SLC44A1: variants seen among roughly 807,000 people sequenced by gnomAD.
The protein encoded by SLC44A1 is solute carrier family 44 member 1, also known as choline transporter-like protein 1.
A neutral mutation model predicts 79.3 loss-of-function variants in SLC44A1; 26 were observed. That is an observed-to-expected ratio of 0.33 (90% CI 0.24 to 0.46). The LOEUF is 0.46. SLC44A1 is among the 20% of genes least tolerant of loss of function. SLC44A1 has a pLI of 1.00. For synonymous variants in SLC44A1, 263 were observed against 286.2 expected (o/e 0.92, Z 0.82); for missense variants, 688 against 798.1 (o/e 0.86, Z 1.66).
At chr9:105,378,030 T>G (rs1295530078) in intron 13 of SLC44A1, among the ~76,000 whole-genome samples, 1 of 151,920 alleles carries the variant, frequency 6.6e-6, no homozygotes, top group South Asian at 2.1e-4. Context: ...GGTGGATCAC[T>G]TGAGGTCAGG....
At chr9:105,424,407 G>A (rs1829293431) in intron 15 of SLC44A1, among the ~76,000 whole-genome samples, 1 of 152,208 alleles carries the variant, frequency 6.6e-6, no homozygotes, top group African/African-American at 2.4e-5. Context: ...AGGTAAGCGT[G>A]AGCAGCCCCT....
chr9:105,388,373 A>G (rs1334762228), intron 15 of SLC44A1, among the ~76,000 whole-genome samples: 2 of 152,182 alleles, frequency 1.3e-5, no homozygotes, highest in Non-Finnish European at 2.9e-5. Context: ...TATAATTCAC[A>G]TATTGTTGCT....
intron 1 of SLC44A1, among the ~76,000 whole-genome samples, chr9:105,295,496 TC>T (rs1180219280): frequency 6.6e-6 from 1 of 152,236 alleles, no homozygotes; most frequent in African/African-American, 2.4e-5. Flanking sequence ...CAGCATTAAA[TC>T]CTGTTGCCAC....
chr9:105,253,558 C>A (rs1829635615), intron 1 of SLC44A1, among the ~76,000 whole-genome samples: 1 of 152,092 alleles, frequency 6.6e-6, no homozygotes, highest in Non-Finnish European at 1.5e-5. Flanking sequence ...TGAGACCCAT[C>A]TCTACAAAAA....
At chr9:105,304,979 T>G (rs1259288596) in intron 2 of SLC44A1, among the ~76,000 whole-genome samples, 66 of 114,312 alleles carry the variant, frequency 5.8e-4, no homozygotes, top group Non-Finnish European at 1.0e-3. Context: ...TTTTTTTTTT[T>G]TTTTTTTCAG....
chr9:105,300,542 A>G (rs1830850371), intron 2 of SLC44A1, among the ~76,000 whole-genome samples: 2 of 152,182 alleles, frequency 1.3e-5, no homozygotes, highest in African/African-American at 2.4e-5. Context: ...CCTCTGAGAA[A>G]AGGAAAAGAA....
chr9:105,324,082 A>G (rs576431551), intron 3 of SLC44A1, among the ~76,000 whole-genome samples: 9 of 151,964 alleles, frequency 5.9e-5, no homozygotes, highest in Middle Eastern at 3.4e-3. Flanking sequence ...GCTCACTGCA[A>G]GCTCCACCTC....
At chr9:105,248,935 T>A (rs1320756640) in intron 1 of SLC44A1, among the ~76,000 whole-genome samples, 1 of 152,244 alleles carries the variant, frequency 6.6e-6, no homozygotes, top group Non-Finnish European at 1.5e-5. Flanking sequence ...AGATGATTAT[T>A]TCTCACAGCA....
intron 1 of SLC44A1, among the ~76,000 whole-genome samples, chr9:105,294,019 A>C (rs1284406362): frequency 6.6e-6 from 1 of 152,172 alleles, no homozygotes; most frequent in Non-Finnish European, 1.5e-5. Flanking sequence ...CCCTAACTTT[A>C]AGGATATAAA....
chr9:105,270,112 G>A (rs545250735), intron 1 of SLC44A1, among the ~76,000 whole-genome samples: 3 of 152,234 alleles, frequency 2.0e-5, no homozygotes, highest in South Asian at 2.1e-4. Context: ...TGTCCCAAGC[G>A]TCGTGCTGGG....
chr9:105,278,121 G>C (rs1830253804), intron 1 of SLC44A1, among the ~76,000 whole-genome samples: 1 of 151,904 alleles, frequency 6.6e-6, no homozygotes, highest in Admixed American at 6.6e-5. Context: ...GAGTGCAGTG[G>C]CGCTGTCTCC....
At chr9:105,307,593 G>A (rs1018175073) in intron 2 of SLC44A1, among the ~76,000 whole-genome samples, 4 of 151,070 alleles carry the variant, frequency 2.6e-5, no homozygotes, top group South Asian at 2.1e-4. Context: ...GCAGTGAGCC[G>A]AGATCGTGCC....
At chr9:105,310,525 C>T (rs770900785) in intron 3 of SLC44A1, among the ~76,000 whole-genome samples, 1 of 152,060 alleles carries the variant, frequency 6.6e-6, no homozygotes, top group African/African-American at 2.4e-5. Context: ...TATATTTATG[C>T]CCCATGAAAC....
chr9:105,341,141 C>G (rs540455648), intron 4 of SLC44A1, among the ~76,000 whole-genome samples: 1 of 152,118 alleles, frequency 6.6e-6, no homozygotes, highest in East Asian at 1.9e-4. Flanking sequence ...TCAAGACCAG[C>G]CTGGCCAACA....
chr9:105,422,420 C>T (rs1829265196), intron 15 of SLC44A1, among the ~76,000 whole-genome samples: 1 of 151,318 alleles, frequency 6.6e-6, no homozygotes, highest in Non-Finnish European at 1.5e-5. Flanking sequence ...TCCTGAGTAG[C>T]TGGAACTACA....
intron 15 of SLC44A1, chr9:105,386,542 C>A: frequency 4.5e-6 from 2 of 441,032 alleles, no homozygotes; most frequent in Non-Finnish European, 6.0e-6. Flanking sequence ...GCTTTCAACA[C>A]AAATTCGTAA....
chr9:105,418,314 C>CAAAAAAAAA (rs10617928), intron 15 of SLC44A1, among the ~76,000 whole-genome samples: 7 of 57,874 alleles, frequency 1.2e-4, no homozygotes, highest in Non-Finnish European at 2.0e-4. Context: ...AACTCCGTCT[C>CAAAAAAAAA]AAAAAAAAAA....
At position 105,365,508 on chromosome 9, in the gene SLC44A1, C is replaced by T. The variant is rs1280630129; in HGVS notation, c.1279C>T (p.Pro427Ser). 3.7e-6 allele frequency: 6 copies of T among 1,612,664 alleles called. No individual in the cohort carries two copies. Among genetic ancestry groups the T allele is most frequent in the Non-Finnish European group, 5.1e-6 (6 of 1,179,216 alleles). Residue 427 changes from proline (P) to serine (S), a missense_variant, in exon 11 of 16, where the codon CCT becomes TCT. By Grantham distance (74) the Pro-to-Ser change is moderately conservative. Coordinates refer to ENST00000374720, the MANE Select transcript of SLC44A1 (RefSeq NM_080546.5). ...GGATAAAAGGAATTTGCCATTTACACCTATTTTGGCATCAGTAAATCGCCT... is the reference window on the plus strand; with the variant it reads ...GGATAAAAGGAATTTGCCATTTACATCTATTTTGGCATCAGTAAATCGCCT... The part of the protein sequence containing the change: ...TRDKRNLPFT[P>S]ILASVNRLIR...
At chr9:105,319,000 AT>A (rs1186600310) in intron 3 of SLC44A1, among the ~76,000 whole-genome samples, 5 of 152,106 alleles carry the variant, frequency 3.3e-5, no homozygotes, top group Non-Finnish European at 7.4e-5. Context: ...AGCTTTAGTC[AT>A]TGTTCATGAG....
Sources: gnomAD v4.1 joint callset for allele counts (sites outside exome capture counted in the v4.1 genomes callset) on GRCh38, gnomAD v4.1.1 for gene constraint, MANE v1.5 for transcripts, NCBI Gene and HGNC (gene_info 2026-07-23, HGNC 2026-07-21) for gene names.